The following AUTS2 variants were observed in gnomAD, a reference collection of about 807,000 sequenced individuals.
AUTS2 encodes the protein activator of transcription and developmental regulator AUTS2.
A neutral mutation model predicts 112.4 loss-of-function variants in AUTS2; 17 were observed. That is an observed-to-expected ratio of 0.15 (90% CI 0.10 to 0.23). The LOEUF (loss-of-function observed/expected upper bound fraction) is 0.23, where lower values mean the gene tolerates loss of function less well. Ranked by LOEUF, AUTS2 falls within the 10% of genes least tolerant of loss-of-function variation. The pLI, the probability that AUTS2 is intolerant of heterozygous loss-of-function variation, is 1.00. For missense variants in AUTS2, 1,510 were observed against 1,701.6 expected, an observed-to-expected ratio of 0.89 and a Z score of 1.98; for synonymous variants, 751 against 702.7, an observed-to-expected ratio of 1.07 and a Z score of -1.09.
At chr7:70,747,374 A>T (rs1046555087) in intron 6 of AUTS2, among the ~76,000 whole-genome samples, 2 of 152,192 alleles carry the variant, frequency 1.3e-5, no homozygotes, top group South Asian at 2.1e-4. Context: ...GTATCCAAGG[A>T]CAGGTAAAAC....
chr7:70,088,896 T>C (rs990132069), intron 2 of AUTS2, among the ~76,000 whole-genome samples: 2 of 152,190 alleles, frequency 1.3e-5, no homozygotes, highest in African/African-American at 4.8e-5. Context: ...CTCCTTCAAG[T>C]ATTATACTAT....
intron 2 of AUTS2, among the ~76,000 whole-genome samples, chr7:70,058,074 G>C (rs1331635147): frequency 6.6e-6 from 1 of 152,206 alleles, no homozygotes; most frequent in Non-Finnish European, 1.5e-5. Flanking sequence ...GCTTCTATTA[G>C]TGACAATACC....
At chr7:69,763,850 C>T (rs1016273593) in intron 1 of AUTS2, among the ~76,000 whole-genome samples, 3 of 152,158 alleles carry the variant, frequency 2.0e-5, no homozygotes, top group South Asian at 2.1e-4. Context: ...ATGTATTTAG[C>T]GATCTGCCTT....
chr7:69,602,582 A>G (rs1467824261), intron 1 of AUTS2, among the ~76,000 whole-genome samples: 1 of 152,230 alleles, frequency 6.6e-6, no homozygotes, highest in Non-Finnish European at 1.5e-5. Flanking sequence ...TTTCTCACAC[A>G]GAAATACTTC....
At chr7:70,051,499 C>T (rs1801753244) in intron 2 of AUTS2, among the ~76,000 whole-genome samples, 1 of 152,112 alleles carries the variant, frequency 6.6e-6, no homozygotes. Flanking sequence ...GGTGGATCAC[C>T]TGAGTTCAGG....
chr7:69,948,052 GCAATTCTGTGGTT>G (rs1330152407), intron 2 of AUTS2, among the ~76,000 whole-genome samples: 2 of 152,290 alleles, frequency 1.3e-5, no homozygotes, highest in Non-Finnish European at 2.9e-5. Flanking sequence ...ACACATCAAA[GCAATTCTGTGGTT>G]CTTAGGGAAT....
intron 1 of AUTS2, among the ~76,000 whole-genome samples, chr7:69,724,804 A>T (rs1307566687): frequency 6.6e-6 from 1 of 152,166 alleles, no homozygotes; most frequent in Non-Finnish European, 1.5e-5. Flanking sequence ...CAGATAAAGG[A>T]CCCTTAATTG....
chr7:70,160,043 A>G (rs35862187), intron 4 of AUTS2, among the ~76,000 whole-genome samples: 5,340 of 152,172 alleles, frequency 0.035, 134 homozygotes, highest in South Asian at 0.064. Context: ...TACCTAATAA[A>G]GGTATAATTA....
At position 70,377,038 on chromosome 7, in the gene AUTS2, G is replaced by A. The variant is rs559444163; in HGVS notation, c.661-58714G>A. Among the ~76,000 whole-genome samples the A allele has an allele frequency of 8.2e-4, 124 of 151,616 alleles. 3 individuals carry two copies. The South Asian group carries it at 0.024, about 29-fold the overall frequency. On this transcript the variant is annotated intron_variant, in intron 4 of 18. Transcript: ENST00000342771. ...GCAAATTGTGGCTTCATTGATGCCT[G>A]TTTATTTGCTTTTTGCCTCAATTAG...
chr7:70,166,441 A>C (rs1808386202), intron 4 of AUTS2, among the ~76,000 whole-genome samples: 1 of 152,132 alleles, frequency 6.6e-6, no homozygotes, highest in Non-Finnish European at 1.5e-5. Flanking sequence ...TGGCAATAAT[A>C]CCTTAAAGGA....
chr7:69,926,443 C>CT (rs1796012435), intron 2 of AUTS2, among the ~76,000 whole-genome samples: 1 of 93,176 alleles, frequency 1.1e-5, no homozygotes, highest in African/African-American at 4.8e-5. Flanking sequence ...GTCTGTCTGT[C>CT]TGTCTATCTA....
intron 4 of AUTS2, among the ~76,000 whole-genome samples, chr7:70,136,455 C>G (rs1806567729): frequency 1.3e-5 from 2 of 152,164 alleles, no homozygotes; most frequent in Non-Finnish European, 2.9e-5. Context: ...TCTTCTATTT[C>G]AACTTTCTTT....
intron 1 of AUTS2, among the ~76,000 whole-genome samples, chr7:69,635,860 A>G (rs1794497181): frequency 6.6e-6 from 1 of 152,248 alleles, no homozygotes; most frequent in African/African-American, 2.4e-5. Context: ...AGGTAGCACT[A>G]TGAATGGAAT....
chr7:69,698,839 A>T (rs1299757149), intron 1 of AUTS2, among the ~76,000 whole-genome samples: 2 of 152,166 alleles, frequency 1.3e-5, no homozygotes, highest in Non-Finnish European at 2.9e-5. Flanking sequence ...GACTATCTGC[A>T]CTTGGGGAGG....
At chr7:70,771,424 CT>C in intron 10 of AUTS2, 124 bp from the exon 11 acceptor site, 1 of 673,406 alleles carries the variant, frequency 1.5e-6, no homozygotes, top group Non-Finnish European at 2.5e-6. Context: ...GGCTTCTTGA[CT>C]AATGGCATCA....
At chr7:70,412,620 G>A (rs889588030) in intron 4 of AUTS2, among the ~76,000 whole-genome samples, 1 of 152,196 alleles carries the variant, frequency 6.6e-6, no homozygotes, top group Non-Finnish European at 1.5e-5. Context: ...CATTCTGGCA[G>A]CTCACCAAAT....
At chr7:70,773,367 A>G (rs980964812) in intron 11 of AUTS2, among the ~76,000 whole-genome samples, 2 of 152,172 alleles carry the variant, frequency 1.3e-5, no homozygotes, top group Non-Finnish European at 2.9e-5. Flanking sequence ...TGCTAATTCA[A>G]AGGACAGAAG....
At chr7:70,339,592 T>C (rs889511743) in intron 4 of AUTS2, among the ~76,000 whole-genome samples, 12 of 152,218 alleles carry the variant, frequency 7.9e-5, no homozygotes, top group Admixed American at 3.3e-4. Flanking sequence ...AAACCTTGCT[T>C]CTTGACCATA....
chr7:69,793,860 T>C (rs541215271), intron 1 of AUTS2, among the ~76,000 whole-genome samples: 1 of 152,156 alleles, frequency 6.6e-6, no homozygotes, highest in Non-Finnish European at 1.5e-5. Flanking sequence ...ATAAATAGGC[T>C]GTCATTCAGA....
Sources: gnomAD v4.1 joint callset for allele counts (sites outside exome capture counted in the v4.1 genomes callset) on GRCh38, gnomAD v4.1.1 for gene constraint, MANE v1.5 for transcripts, NCBI Gene and HGNC (gene_info 2026-07-23, HGNC 2026-07-21) for gene names.